GLI2: variants seen among roughly 807,000 people sequenced by gnomAD.
GLI2 encodes transcription activator GLI2.
In GLI2, 22 loss-of-function variants were observed where a neutral mutation model predicts 78.9. The ratio of observed to expected loss-of-function variants is 0.28; its 90% CI spans 0.20 to 0.40. The LOEUF (loss-of-function observed/expected upper bound fraction) is 0.40, where lower values mean the gene tolerates loss of function less well. Ranked by LOEUF, GLI2 falls within the 10% of genes least tolerant of loss-of-function variation. The probability of loss-of-function intolerance (pLI) is 1.00; values close to 1 mark genes in which losing one functional copy is unlikely to be tolerated. For missense variants in GLI2, 2,097 were observed against 2,213.2 expected (o/e 0.95, Z 1.05); for synonymous variants, 974 against 963.7 (o/e 1.01, Z -0.20).
intron 5 of GLI2, among the ~76,000 whole-genome samples, chr2:120,958,011 G>T (rs967340650): frequency 6.6e-6 from 1 of 152,176 alleles, no homozygotes; most frequent in South Asian, 2.1e-4. Flanking sequence ...GGCCAGCCGG[G>T]CCAGGTGGAC....
intron 2 of GLI2, among the ~76,000 whole-genome samples, chr2:120,798,543 T>C (rs1395999938): frequency 1.3e-5 from 2 of 152,188 alleles, no homozygotes; most frequent in African/African-American, 4.8e-5. Flanking sequence ...CCTGCGGTTC[T>C]AAGTGGGAGG....
At chr2:120,825,700 C>T (rs1446238637) in intron 2 of GLI2, among the ~76,000 whole-genome samples, 1 of 152,234 alleles carries the variant, frequency 6.6e-6, no homozygotes, top group Non-Finnish European at 1.5e-5. Flanking sequence ...TGTCCTTTGC[C>T]TGCTCCTTCC....
chr2:120,846,250 G>T (rs187420662), intron 2 of GLI2, among the ~76,000 whole-genome samples: 33 of 152,310 alleles, frequency 2.2e-4, no homozygotes, highest in African/African-American at 7.5e-4. Flanking sequence ...GCATGCTCCT[G>T]GTCCCTGGCC....
chr2:120,813,337 G>A (rs530050083), intron 2 of GLI2, among the ~76,000 whole-genome samples: 55 of 152,298 alleles, frequency 3.6e-4, no homozygotes, highest in Admixed American at 3.9e-4. Context: ...ATCTTTTCCC[G>A]GAGGAGGTGG....
intron 2 of GLI2, among the ~76,000 whole-genome samples, chr2:120,840,812 C>T (rs1008156190): frequency 2.0e-5 from 3 of 152,276 alleles, no homozygotes; most frequent in Admixed American, 1.3e-4. Context: ...GTGGGGGTCT[C>T]GGATCCCCCT....
intron 1 of GLI2, among the ~76,000 whole-genome samples, chr2:120,738,885 G>C (rs1682444934): frequency 6.6e-6 from 1 of 152,172 alleles, no homozygotes; most frequent in South Asian, 2.1e-4. Flanking sequence ...TGGCTTCCTT[G>C]AAGCTTGTGT....
intron 9 of GLI2, among the ~76,000 whole-genome samples, chr2:120,977,477 T>A (rs183189686): frequency 3.8e-4 from 58 of 152,316 alleles, no homozygotes; most frequent in Non-Finnish European, 7.6e-4. Flanking sequence ...GCCAGCCACA[T>A]TTCAAGTGTG....
At chr2:120,878,097 T>C (rs1353343329) in intron 2 of GLI2, among the ~76,000 whole-genome samples, 1 of 152,234 alleles carries the variant, frequency 6.6e-6, no homozygotes, top group Non-Finnish European at 1.5e-5. Flanking sequence ...CCTGGGTCCC[T>C]GATGAGAAAC....
intron 2 of GLI2, among the ~76,000 whole-genome samples, chr2:120,825,449 GGAGTGTGCTCCTGGCTGT>G (rs1480994710): frequency 6.6e-6 from 1 of 150,954 alleles, no homozygotes; most frequent in East Asian, 2.0e-4. Context: ...CTGGCTATAA[GGAGTGTGCTCCTGGCTGT>G]GAGTGTGCAT....
chr2:120,988,418 C>A lies in GLI2; in HGVS notation c.2453C>A (p.Ser818Tyr). 6.4e-7 allele frequency: 1 copy of A among 1,574,510 alleles called. No individual in the cohort carries two copies. Among genetic ancestry groups the A allele is most frequent in the Non-Finnish European group, 8.5e-7 (1 of 1,170,038 alleles). Residue 818 changes from serine (S) to tyrosine (Y), a missense_variant, in exon 14 of 14, where the codon TCC becomes TAC. By Grantham distance (144) the Ser-to-Tyr change is moderately radical. Coordinates refer to ENST00000361492, the MANE Select transcript of GLI2 (RefSeq NM_001374353.1). The part of the protein sequence containing the change: ...GISPYFSSRR[S>Y]SEASPLGAGR... ...TCCCCCTACTTCTCCAGCCGCCGCT[C>A]CAGCGAGGCCTCGCCCCTGGGCGCC...
intron 2 of GLI2, among the ~76,000 whole-genome samples, chr2:120,923,622 A>G (rs898194221): frequency 2.6e-5 from 4 of 152,042 alleles, no homozygotes; most frequent in African/African-American, 9.7e-5. Flanking sequence ...CAACACACAC[A>G]CCACATGCAC....
At chr2:120,797,545 G>A (rs1254905434) in intron 2 of GLI2, 77 bp downstream of exon 2, 1 of 1,409,574 alleles carries the variant, frequency 7.1e-7, no homozygotes, top group Non-Finnish European at 1.0e-6. Flanking sequence ...TAGAGTGGTG[G>A]CCCATGTCGT....
intron 1 of GLI2, among the ~76,000 whole-genome samples, chr2:120,769,473 A>T (rs1253851309): frequency 1.3e-5 from 2 of 151,618 alleles, no homozygotes; most frequent in Non-Finnish European, 2.9e-5. Context: ...CTGTAGAAGG[A>T]CCCCTCCAGG....
At chr2:120,861,723 G>A (rs1269803591) in intron 2 of GLI2, among the ~76,000 whole-genome samples, 2 of 152,148 alleles carry the variant, frequency 1.3e-5, no homozygotes, top group Admixed American at 6.5e-5. Context: ...TAATACAGAC[G>A]AAAAAGGCAT....
In GLI2 at chr2:120,989,069, A is replaced by T. The variant is rs768151048; in HGVS notation, c.3104A>T (p.Asp1035Val). Residue 1035 changes from aspartate (D) to valine (V), a missense_variant, in exon 14 of 14, where the codon GAC (aspartate) becomes GTC (valine). By Grantham distance (152) the Asp-to-Val change is radical. Around this residue, in one of 5 missense-constraint regions of GLI2, gnomAD observed 1,290 missense variants for 1,261.7 expected, o/e 1.02. Transcript: ENST00000361492. Reference protein sequence around the residue: ...AGVDGAGPEADLGLPEDDLVL... With the variant: ...AGVDGAGPEAVLGLPEDDLVL... ...GTGGACGGCGCGGGGCCCGAGGCCGACCTGGGGCTGCCGGAGGACGACCTG... is the reference window on the plus strand; with the variant it reads ...GTGGACGGCGCGGGGCCCGAGGCCGTCCTGGGGCTGCCGGAGGACGACCTG... 2.5e-6 allele frequency: 4 copies of T among 1,611,062 alleles called. No individual in the cohort carries two copies. The highest frequency in any genetic ancestry group is 3.4e-6 in the Non-Finnish European group (4 of 1,179,740).
At chr2:120,923,423 A>G (rs554614474) in intron 2 of GLI2, among the ~76,000 whole-genome samples, 2 of 152,202 alleles carry the variant, frequency 1.3e-5, no homozygotes, top group African/African-American at 4.8e-5. Flanking sequence ...ATACACAGCA[A>G]CACACATGTA....
At chr2:120,960,449 C>T (rs181657790) in intron 5 of GLI2, among the ~76,000 whole-genome samples, 101 of 152,324 alleles carry the variant, frequency 6.6e-4, no homozygotes, top group African/African-American at 2.4e-3. Context: ...CCCAGTACAC[C>T]GGTTTGCAAA....
At chr2:120,965,240 C>G (rs529267600) in intron 5 of GLI2, among the ~76,000 whole-genome samples, 2 of 151,070 alleles carry the variant, frequency 1.3e-5, no homozygotes, top group Admixed American at 6.6e-5. Flanking sequence ...GAGGGGCACA[C>G]TCCAGCCAGG....
Position 120,982,736 on chromosome 2 carries a change from C to G in GLI2, c.1488C>G (p.Ala496=). ...TCTAGTTCGAGGGCTGCTCGAAGGCCTACTCCCGCCTGGAGAACCTGAAGA... is the reference window on the plus strand; with the variant it reads ...TCTAGTTCGAGGGCTGCTCGAAGGCGTACTCCCGCCTGGAGAACCTGAAGA... ...HKCTFEGCSK[A]YSRLENLKTH... Residue 496 remains alanine, a synonymous_variant, in exon 11 of 14, where the codon GCC becomes GCG. Coordinates refer to ENST00000361492, the MANE Select transcript of GLI2 (RefSeq NM_001374353.1). The G allele has an allele frequency of 1.2e-6, 2 of 1,613,664 alleles. No individual in the cohort carries two copies. Among genetic ancestry groups the G allele is most frequent in the Non-Finnish European group, 1.7e-6 (2 of 1,179,642 alleles).
Sources: gnomAD v4.1 joint callset for allele counts (sites outside exome capture counted in the v4.1 genomes callset) on GRCh38, gnomAD v4.1.1 for gene constraint, gnomAD v4.1.1 regional missense constraint, MANE v1.5 for transcripts, NCBI Gene and HGNC (gene_info 2026-07-23, HGNC 2026-07-21) for gene names.